The following NHSL1 variants were observed in gnomAD, a reference collection of about 807,000 sequenced individuals.
NHSL1 encodes NHS-like protein 1.
In NHSL1, 48 loss-of-function variants were observed where a neutral mutation model predicts 95.0. The observed-to-expected ratio is 0.51, with a 90% confidence interval of 0.40 to 0.64. The LOEUF (loss-of-function observed/expected upper bound fraction) is 0.64. NHSL1 is among the 30% of genes least tolerant of loss of function. The probability of loss-of-function intolerance (pLI) is 0.00; values close to 1 mark genes in which losing one functional copy is unlikely to be tolerated. For missense variants in NHSL1, 1,971 were observed against 2,077.7 expected (o/e 0.95, Z 1.00); for synonymous variants, 783 against 833.9 (o/e 0.94, Z 1.05).
At chr6:138,657,705 C>A (rs1221506238) in intron 1 of NHSL1, among the ~76,000 whole-genome samples, 4 of 150,388 alleles carry the variant, frequency 2.7e-5, no homozygotes, top group Non-Finnish European at 5.9e-5. Flanking sequence ...GTCCCAGCTA[C>A]TCGGGAGGCA....
At chr6:138,536,966 A>G (rs929713639) in intron 1 of NHSL1, among the ~76,000 whole-genome samples, 2 of 152,186 alleles carry the variant, frequency 1.3e-5, no homozygotes, top group African/African-American at 4.8e-5. Context: ...GAAATAACCC[A>G]ATAATTAAGG....
At chr6:138,595,749 C>T (rs554815844) in intron 1 of NHSL1, among the ~76,000 whole-genome samples, 12 of 152,088 alleles carry the variant, frequency 7.9e-5, no homozygotes, top group Non-Finnish European at 1.6e-4. Flanking sequence ...AAGAATAGCA[C>T]AGCATACAGG....
intron 3 of NHSL1, among the ~76,000 whole-genome samples, chr6:138,469,100 A>T (rs1315536430): frequency 6.6e-6 from 1 of 152,180 alleles, no homozygotes. Context: ...TACAGCTTGG[A>T]TGCATCCGTG....
chr6:138,499,184 TG>T, intron 1 of NHSL1, 48 bp downstream of exon 1: 1 of 1,239,768 alleles, frequency 8.1e-7, no homozygotes, highest in Non-Finnish European at 1.2e-6. Flanking sequence ...TATACACATA[TG>T]GAAACATATG....
chr6:138,563,926 A>C (rs1203603958), intron 1 of NHSL1, among the ~76,000 whole-genome samples: 7 of 152,208 alleles, frequency 4.6e-5, no homozygotes, highest in Non-Finnish European at 1.0e-4. Context: ...CGGTGTGTAC[A>C]AAGGTGAAAG....
intron 1 of NHSL1, among the ~76,000 whole-genome samples, chr6:138,661,426 C>T (rs571194927): frequency 3.8e-4 from 58 of 150,798 alleles, no homozygotes; most frequent in East Asian, 9.8e-4. Context: ...ACCCGGGAAG[C>T]GGAGGTTGCA....
intron 1 of NHSL1, among the ~76,000 whole-genome samples, chr6:138,629,380 TC>T (rs1562396670): frequency 3.6e-5 from 5 of 140,038 alleles, no homozygotes; most frequent in African/African-American, 1.3e-4. Context: ...TTTCTTTCTT[TC>T]TTTCTTTCTT....
chr6:138,509,322 A>C (rs962666601), intron 1 of NHSL1, among the ~76,000 whole-genome samples: 1 of 152,242 alleles, frequency 6.6e-6, no homozygotes, highest in Admixed American at 6.5e-5. Context: ...AAGTCAAAGT[A>C]TACTATGATG....
chr6:138,517,414 T>C (rs1420589547), intron 1 of NHSL1, among the ~76,000 whole-genome samples: 1 of 152,248 alleles, frequency 6.6e-6, no homozygotes, highest in East Asian at 1.9e-4. Context: ...GTATTCATTT[T>C]TTAAATGCTG....
intron 1 of NHSL1, among the ~76,000 whole-genome samples, chr6:138,677,920 A>C (rs1054148065): frequency 6.6e-6 from 1 of 152,130 alleles, no homozygotes; most frequent in Non-Finnish European, 1.5e-5. Flanking sequence ...ACATTTTGAG[A>C]ACCACTGATG....
intron 1 of NHSL1, among the ~76,000 whole-genome samples, chr6:138,648,142 T>C (rs1785043881): frequency 6.6e-6 from 1 of 152,094 alleles, no homozygotes; most frequent in Non-Finnish European, 1.5e-5. Context: ...AAATATATAT[T>C]TTACTTTTCC....
At chr6:138,624,409 T>C (rs1784708638) in intron 1 of NHSL1, among the ~76,000 whole-genome samples, 2 of 152,186 alleles carry the variant, frequency 1.3e-5, no homozygotes, top group Non-Finnish European at 2.9e-5. Context: ...GCGTTCATTG[T>C]ATGACACAGA....
chr6:138,572,041 C>G (rs568890751), exon 1 of NHSL1: 8 of 678,462 alleles, frequency 1.2e-5, no homozygotes, highest in East Asian at 8.2e-5. Flanking sequence ...TCAGGCACCG[C>G]ATTATCCAAA....
chr6:138,595,613 A>C (rs1784293093), intron 1 of NHSL1, among the ~76,000 whole-genome samples: 1 of 152,210 alleles, frequency 6.6e-6, no homozygotes, highest in Non-Finnish European at 1.5e-5. Context: ...TTTTTTACAA[A>C]AGTGAATTTC....
chr6:138,668,642 T>C lies in NHSL1; in HGVS notation c.96+23834A>G, dbSNP rs1054081626. ...TTTTTTTTTCTTTTTTTTTTTTTTT[T>C]TGAGACAGAGTCTTGCTCTGTAGCC... On this transcript the variant is annotated intron_variant, in intron 1 of 3. Coordinates refer to the NHSL1 transcript ENST00000491526. 1.5e-4 allele frequency among the ~76,000 whole-genome samples: 22 copies of C among 150,746 alleles called. No homozygotes were observed. In the East Asian group the frequency reaches 3.7e-3, roughly 25 times the overall value.
intron 4 of NHSL1, among the ~76,000 whole-genome samples, chr6:138,445,820 G>C (rs911088213): frequency 2.0e-5 from 3 of 152,146 alleles, no homozygotes; most frequent in East Asian, 1.9e-4. Flanking sequence ...TGGTCACCTA[G>C]TTTTTTTGTT....
chr6:138,529,775 T>C (rs1782059453), intron 1 of NHSL1, among the ~76,000 whole-genome samples: 1 of 152,358 alleles, frequency 6.6e-6, no homozygotes, highest in African/African-American at 2.4e-5. Context: ...GAGAGAGCTC[T>C]GCTTTTCAGT....
intron 1 of NHSL1, among the ~76,000 whole-genome samples, chr6:138,511,495 C>T (rs183563893): frequency 6.6e-6 from 1 of 152,018 alleles, no homozygotes; most frequent in East Asian, 2.0e-4. Context: ...CAATGTTGCC[C>T]ATGCTGGTCT....
At chr6:138,595,833 G>C (rs1784296202) in intron 1 of NHSL1, among the ~76,000 whole-genome samples, 1 of 152,152 alleles carries the variant, frequency 6.6e-6, no homozygotes, top group African/African-American at 2.4e-5. Flanking sequence ...GGAAAGTGAG[G>C]GGTCCAGAGG....
Sources: allele counts gnomAD v4.1 joint callset (sites outside exome capture counted in the v4.1 genomes callset), GRCh38; gene constraint gnomAD v4.1.1; transcripts MANE v1.5; gene names NCBI Gene and HGNC (gene_info 2026-07-23, HGNC 2026-07-21).